Variants in CNTNAP2 observed in about 807,000 individuals in gnomAD.
The protein encoded by CNTNAP2 is contactin associated protein 2.
A neutral mutation model predicts 155.2 loss-of-function variants in CNTNAP2; 98 were observed. The observed-to-expected ratio is 0.63, with a 90% CI of 0.54 to 0.75. The LOEUF (loss-of-function observed/expected upper bound fraction) is 0.75, where lower values mean the gene tolerates loss of function less well. Among genes scored for constraint, CNTNAP2 ranks in the 30% least tolerant of loss-of-function variants. The pLI is 0.00. For synonymous variants in CNTNAP2, 651 were observed against 631.2 expected (o/e 1.03, Z -0.47); for missense variants, 1,727 against 1,688.1 (o/e 1.02, Z -0.40).
At chr7:147,891,748 A>T (rs1799698154) in intron 13 of CNTNAP2, among the ~76,000 whole-genome samples, 1 of 152,178 alleles carries the variant, frequency 6.6e-6, no homozygotes, top group African/African-American at 2.4e-5. Context: ...CTTATAATGA[A>T]AGATACTAAA....
chr7:146,607,596 C>A (rs113844978), intron 1 of CNTNAP2, among the ~76,000 whole-genome samples: 25 of 152,182 alleles, frequency 1.6e-4, no homozygotes, highest in African/African-American at 6.0e-4. Context: ...CCCACCTAAG[C>A]CTGCCAAGTA....
At chr7:146,601,800 A>G (rs375791213) in intron 1 of CNTNAP2, among the ~76,000 whole-genome samples, 1 of 152,146 alleles carries the variant, frequency 6.6e-6, no homozygotes, top group South Asian at 2.1e-4. Context: ...ATTATTATAC[A>G]TAGGAAATGG....
rs35636899 is a variant in CNTNAP2 at position 147,608,210 on chromosome 7, GAAA to G, written c.1898-30885_1898-30883del. ...AATTATTATCTTACTGTTCATCTCAGAAAAAAAAAAAAACACAATGGTTTTAAG... is the reference window on the plus strand; with the variant it reads ...AATTATTATCTTACTGTTCATCTCAGAAAAAAAAAACACAATGGTTTTAAG... On this transcript the variant is annotated intron_variant, in intron 12 of 23. Coordinates refer to ENST00000361727, the MANE Select transcript of CNTNAP2 (RefSeq NM_014141.6). 3.3e-4 allele frequency among the ~76,000 whole-genome samples: 47 copies of G among 144,298 alleles called. No individual in the cohort carries two copies. The South Asian group carries it at 7.9e-3, about 24-fold the overall frequency. The allele number at this position is 144,298 out of a possible 152,430, so 94.7% of individuals were successfully genotyped here.
At chr7:147,400,541 A>G (rs1276623323) in intron 10 of CNTNAP2, among the ~76,000 whole-genome samples, 2 of 152,106 alleles carry the variant, frequency 1.3e-5, no homozygotes, top group Non-Finnish European at 2.9e-5. Context: ...TTTGTGAGTA[A>G]TAGTGAAGTC....
At chr7:148,119,479 T>C (rs1804554908) in intron 16 of CNTNAP2, among the ~76,000 whole-genome samples, 1 of 152,014 alleles carries the variant, frequency 6.6e-6, no homozygotes, top group Non-Finnish European at 1.5e-5. Flanking sequence ...GAGCTTGCAG[T>C]GAGCCTAGAT....
intron 20 of CNTNAP2, among the ~76,000 whole-genome samples, chr7:148,253,073 A>ATAGATAGT (rs1169388154): frequency 5.3e-5 from 8 of 152,044 alleles, no homozygotes; most frequent in African/African-American, 1.9e-4. Context: ...AGATAGATAG[A>ATAGATAGT]TATTGATTGA....
chr7:147,521,322 T>G (rs899222694), intron 11 of CNTNAP2, among the ~76,000 whole-genome samples: 23 of 152,246 alleles, frequency 1.5e-4, no homozygotes, highest in Non-Finnish European at 2.9e-4. Context: ...AGCATGACCC[T>G]TTCTTCTCAT....
intron 19 of CNTNAP2, among the ~76,000 whole-genome samples, chr7:148,220,930 T>C (rs1795737897): frequency 6.6e-6 from 1 of 152,134 alleles, no homozygotes; most frequent in African/African-American, 2.4e-5. Flanking sequence ...GGGTTTCTTC[T>C]CAGGTCCCTC....
chr7:146,266,989 G>A (rs1035563445), intron 1 of CNTNAP2, among the ~76,000 whole-genome samples: 14 of 150,990 alleles, frequency 9.3e-5, no homozygotes, highest in South Asian at 4.2e-4. Flanking sequence ...TGTGTATCAC[G>A]ACAACAGCAG....
chr7:146,912,400 T>G (rs550466208), intron 3 of CNTNAP2, among the ~76,000 whole-genome samples: 18 of 152,106 alleles, frequency 1.2e-4, no homozygotes, highest in African/African-American at 4.1e-4. Flanking sequence ...ATCTAATAAT[T>G]GGAAAATTAC....
At chr7:147,672,068 A>T (rs891641771) in intron 13 of CNTNAP2, 2 of 152,242 alleles carry the variant, frequency 1.3e-5, no homozygotes, top group African/African-American at 4.8e-5. Flanking sequence ...ACTTTAAAAC[A>T]TCAGAATGAA....
intron 13 of CNTNAP2, among the ~76,000 whole-genome samples, chr7:147,733,698 A>G (rs796324902): frequency 1.3e-5 from 2 of 152,100 alleles, no homozygotes; most frequent in South Asian, 2.1e-4. Context: ...ATTTCATTGA[A>G]CAATGGTTTG....
intron 1 of CNTNAP2, among the ~76,000 whole-genome samples, chr7:146,311,414 G>C (rs1162444757): frequency 1.3e-5 from 2 of 151,958 alleles, no homozygotes; most frequent in African/African-American, 4.8e-5. Context: ...TGAGAGGAAT[G>C]ACTAAATCAT....
chr7:148,334,452 G>A (rs1798082756), intron 21 of CNTNAP2, among the ~76,000 whole-genome samples: 1 of 152,188 alleles, frequency 6.6e-6, no homozygotes, highest in African/African-American at 2.4e-5. Context: ...ACAATAACTT[G>A]GCAAGACAAT....
intron 9 of CNTNAP2, among the ~76,000 whole-genome samples, chr7:147,369,132 G>T (rs1796296879): frequency 6.6e-6 from 1 of 152,182 alleles, no homozygotes; most frequent in Non-Finnish European, 1.5e-5. Flanking sequence ...TTATAACCAG[G>T]TTATTTTATA....
At chr7:146,228,600 C>A (rs1799333279) in intron 1 of CNTNAP2, among the ~76,000 whole-genome samples, 1 of 152,110 alleles carries the variant, frequency 6.6e-6, no homozygotes, top group African/African-American at 2.4e-5. Context: ...AAATCCAAAT[C>A]TATTCAGAAT....
intron 1 of CNTNAP2, among the ~76,000 whole-genome samples, chr7:146,338,218 T>C (rs994223582): frequency 6.6e-6 from 1 of 152,128 alleles, no homozygotes; most frequent in African/African-American, 2.4e-5. Context: ...AGTCCTAGCA[T>C]TGCACACGTA....
intron 4 of CNTNAP2, among the ~76,000 whole-genome samples, chr7:147,058,314 C>G (rs574306017): frequency 1.3e-5 from 2 of 152,034 alleles, no homozygotes; most frequent in Non-Finnish European, 1.5e-5. Context: ...ACATTCAAAA[C>G]AATATAAATT....
intron 1 of CNTNAP2, among the ~76,000 whole-genome samples, chr7:146,435,125 G>T (rs1353038902): frequency 6.6e-6 from 1 of 152,158 alleles, no homozygotes; most frequent in East Asian, 1.9e-4. Flanking sequence ...TAGTCTCATG[G>T]TCAGAGGGTT....
Sources: gnomAD v4.1 joint callset for allele counts (sites outside exome capture counted in the v4.1 genomes callset) on GRCh38, gnomAD v4.1.1 for gene constraint, MANE v1.5 for transcripts, NCBI Gene and HGNC (gene_info 2026-07-23, HGNC 2026-07-21) for gene names.